The following PARD3B variants were observed in gnomAD, a reference collection of about 807,000 sequenced individuals.
PARD3B encodes the protein par-3 family cell polarity regulator beta.
A neutral mutation model predicts 130.2 loss-of-function variants in PARD3B; 103 were observed. That is an observed-to-expected ratio of 0.79 (90% CI 0.67 to 0.93). The LOEUF is 0.93. Ranked by LOEUF, PARD3B falls within the 40% of genes least tolerant of loss-of-function variation. PARD3B has a pLI of 0.00. For synonymous variants in PARD3B, 583 were observed against 553.2 expected (o/e 1.05, Z -0.76); for missense variants, 1,609 against 1,499.2 (o/e 1.07, Z -1.21).
intron 16 of PARD3B, among the ~76,000 whole-genome samples, chr2:205,261,441 A>T (rs1201578317): frequency 6.6e-6 from 1 of 152,190 alleles, no homozygotes; most frequent in African/African-American, 2.4e-5. Flanking sequence ...AAGTCAAATA[A>T]ACCATTGTGT....
At chr2:204,820,472 C>T (rs532574524) in intron 2 of PARD3B, among the ~76,000 whole-genome samples, 6 of 152,042 alleles carry the variant, frequency 3.9e-5, no homozygotes, top group South Asian at 2.1e-4. Flanking sequence ...TCCCTGGTTT[C>T]GAAGGACAGG....
intron 2 of PARD3B, among the ~76,000 whole-genome samples, chr2:204,859,383 G>A (rs551513749): frequency 9.2e-5 from 14 of 152,230 alleles, no homozygotes; most frequent in Non-Finnish European, 1.9e-4. Flanking sequence ...CCAACATCAA[G>A]ATCTATGGTC....
chr2:204,620,319 G>T (rs992874012), intron 1 of PARD3B, among the ~76,000 whole-genome samples: 2 of 151,946 alleles, frequency 1.3e-5, no homozygotes, highest in Non-Finnish European at 2.9e-5. Context: ...CCTTTCTTGG[G>T]TTACAGGTGT....
chr2:205,347,608 C>A (rs2043841302), intron 18 of PARD3B, among the ~76,000 whole-genome samples: 1 of 152,194 alleles, frequency 6.6e-6, no homozygotes, highest in South Asian at 2.1e-4. Context: ...TACTTAGAAC[C>A]CTTTGTACAA....
intron 10 of PARD3B, among the ~76,000 whole-genome samples, chr2:205,154,789 C>T (rs1034327790): frequency 6.6e-6 from 1 of 152,244 alleles, no homozygotes; most frequent in Admixed American, 6.5e-5. Flanking sequence ...AGCAAACTAT[C>T]GCAAGGACAG....
intron 20 of PARD3B, among the ~76,000 whole-genome samples, chr2:205,454,630 A>G (rs2048210390): frequency 6.6e-6 from 1 of 152,120 alleles, no homozygotes; most frequent in Non-Finnish European, 1.5e-5. Context: ...CAAATTGTCA[A>G]GACTTCTGTA....
chr2:205,109,878 T>G (rs2125589274), intron 5 of PARD3B, among the ~76,000 whole-genome samples: 1 of 152,158 alleles, frequency 6.6e-6, no homozygotes, highest in South Asian at 2.1e-4. Context: ...GGTCTCGAAC[T>G]TCTGACCTCA....
intron 14 of PARD3B, among the ~76,000 whole-genome samples, chr2:205,189,129 A>C (rs1292117071): frequency 6.6e-6 from 1 of 152,188 alleles, no homozygotes; most frequent in Admixed American, 6.5e-5. Flanking sequence ...GCTATTCCCC[A>C]CATGTTCATA....
chr2:204,986,247 G>A lies in PARD3B; in HGVS notation c.394+20924G>A, dbSNP rs1575483850. Among the ~76,000 whole-genome samples, 7 of 152,038 alleles carry A rather than the reference G, an allele frequency of 4.6e-5. 1 individual carries two copies. Among genetic ancestry groups the A allele is most frequent in the Admixed American group, 4.6e-4 (7 of 15,262 alleles). ...GTCACCTTTGCTGACTGCAAGGAAA[G>A]CTCAGGGCCTGCCAGTATGTAACCC... On this transcript the variant is annotated intron_variant, in intron 3 of 22. Coordinates refer to ENST00000406610, the MANE Select transcript of PARD3B (RefSeq NM_001302769.2).
intron 2 of PARD3B, among the ~76,000 whole-genome samples, chr2:204,854,954 C>T (rs955678508): frequency 1.3e-5 from 2 of 151,972 alleles, no homozygotes; most frequent in Non-Finnish European, 1.5e-5. Flanking sequence ...GCAAAAAGGA[C>T]CAGTGGGCGG....
intron 3 of PARD3B, among the ~76,000 whole-genome samples, chr2:205,020,098 G>A (rs1318342539): frequency 6.6e-6 from 1 of 151,972 alleles, no homozygotes; most frequent in Non-Finnish European, 1.5e-5. Context: ...TACAGTCCAC[G>A]GTCTTTTCTG....
intron 3 of PARD3B, among the ~76,000 whole-genome samples, chr2:205,013,616 C>T (rs527985574): frequency 6.6e-6 from 1 of 152,138 alleles, no homozygotes; most frequent in Non-Finnish European, 1.5e-5. Context: ...ATGCCCACTT[C>T]ACAAATTTAA....
chr2:205,141,717 G>A (rs1383153139), intron 10 of PARD3B, among the ~76,000 whole-genome samples: 1 of 152,196 alleles, frequency 6.6e-6, no homozygotes, highest in African/African-American at 2.4e-5. Context: ...CTTTGTTACT[G>A]TAGATATGCC....
In PARD3B at chr2:205,413,217, A is replaced by T. The variant is rs114344154; in HGVS notation, c.2741+12094A>T. Reference sequence around the variant, plus strand: ...AGAGTTCCTATAAAATTTACATAACATGAAATACTTAAAGTACCTAGAACT... The same window carrying T: ...AGAGTTCCTATAAAATTTACATAACTTGAAATACTTAAAGTACCTAGAACT... On this transcript the variant is annotated intron_variant, in intron 19 of 22. Coordinates refer to ENST00000406610, the MANE Select transcript of PARD3B (RefSeq NM_001302769.2). 8.8e-4 allele frequency among the ~76,000 whole-genome samples: 134 copies of T among 152,258 alleles called. No homozygotes were observed. In the Middle Eastern group the frequency reaches 0.01, roughly 12 times the overall value.
At chr2:204,819,565 G>C in intron 2 of PARD3B, among the ~76,000 whole-genome samples, 1 of 152,168 alleles carries the variant, frequency 6.6e-6, no homozygotes, top group East Asian at 1.9e-4. Flanking sequence ...ATGAAAGGAA[G>C]AGTCATACAT....
chr2:204,640,227 A>G (rs899394053), intron 1 of PARD3B, among the ~76,000 whole-genome samples: 2 of 152,046 alleles, frequency 1.3e-5, no homozygotes, highest in Non-Finnish European at 2.9e-5. Flanking sequence ...CTGCATTGCA[A>G]CCTGTGCAAC....
intron 15 of PARD3B, 87 bp downstream of exon 15, chr2:205,193,407 T>C: frequency 9.7e-7 from 1 of 1,025,980 alleles, no homozygotes; most frequent in Admixed American, 1.9e-5. Flanking sequence ...TTTCTTCAAC[T>C]CAAACCTCAG....
intron 18 of PARD3B, among the ~76,000 whole-genome samples, chr2:205,389,257 C>T (rs551452242): frequency 1.3e-5 from 2 of 152,164 alleles, no homozygotes; most frequent in South Asian, 4.2e-4. Flanking sequence ...AAATCTGATC[C>T]CTTGCCTTAC....
intron 1 of PARD3B, among the ~76,000 whole-genome samples, chr2:204,547,172 G>A (rs2030038361): frequency 6.6e-6 from 1 of 152,002 alleles, no homozygotes; most frequent in African/African-American, 2.4e-5. Flanking sequence ...ACTTCTTATC[G>A]GTTATCCAAA....
Sources: gnomAD v4.1 joint callset for allele counts (sites outside exome capture counted in the v4.1 genomes callset) on GRCh38, gnomAD v4.1.1 for gene constraint, MANE v1.5 for transcripts, NCBI Gene and HGNC (gene_info 2026-07-23, HGNC 2026-07-21) for gene names.